The following PRKCI variants were observed in gnomAD, a reference collection of about 807,000 sequenced individuals.
PRKCI encodes protein kinase C iota.
In PRKCI, 43 loss-of-function variants were observed where a neutral mutation model predicts 84.0. The ratio of observed to expected loss-of-function variants is 0.51; its 90% CI spans 0.40 to 0.66. The LOEUF is 0.66. PRKCI is among the 30% of genes least tolerant of loss of function. PRKCI has a pLI of 0.00. For synonymous variants in PRKCI, 216 were observed against 234.4 expected (o/e 0.92, Z 0.72); for missense variants, 459 against 745.6 (o/e 0.62, Z 4.48).
At chr3:170,282,732 T>G (rs187832982) in intron 11 of PRKCI, among the ~76,000 whole-genome samples, 1 of 151,092 alleles carries the variant, frequency 6.6e-6, no homozygotes, top group East Asian at 2.0e-4. Context: ...TAAACTAGTA[T>G]ATACTTCTGA....
intron 2 of PRKCI, among the ~76,000 whole-genome samples, chr3:170,239,675 A>G (rs886530189): frequency 6.6e-5 from 10 of 151,568 alleles, no homozygotes; most frequent in African/African-American, 2.4e-4. Context: ...ATGTCCTCCA[A>G]GAAGCCTTCC....
intron 2 of PRKCI, among the ~76,000 whole-genome samples, chr3:170,257,030 A>G (rs1733599669): frequency 6.6e-6 from 1 of 152,194 alleles, no homozygotes; most frequent in South Asian, 2.1e-4. Flanking sequence ...GTGGTCAGAG[A>G]AGATACTTGT....
intron 8 of PRKCI, among the ~76,000 whole-genome samples, chr3:170,279,092 A>G (rs753026004): frequency 4.6e-5 from 7 of 152,154 alleles, no homozygotes; most frequent in Admixed American, 6.5e-5. Context: ...CACTGGCACA[A>G]TCACAGCTCA....
chr3:170,252,252 G>A (rs1372001763), intron 2 of PRKCI, among the ~76,000 whole-genome samples: 2 of 151,558 alleles, frequency 1.3e-5, no homozygotes, highest in Non-Finnish European at 2.9e-5. Context: ...TACCCTGTTG[G>A]TTGAATGAAT....
intron 15 of PRKCI, among the ~76,000 whole-genome samples, chr3:170,296,401 A>C (rs1454420690): frequency 6.6e-6 from 1 of 152,168 alleles, no homozygotes. Context: ...GCTCCCTACA[A>C]ATTCTCATGT....
chr3:170,267,842 C>A, intron 4 of PRKCI, 73 bp from the exon 5 acceptor site: 2 of 1,123,428 alleles, frequency 1.8e-6, no homozygotes, highest in Non-Finnish European at 2.5e-6. Flanking sequence ...GAAAAAATTA[C>A]AGACTTAATT....
intron 3 of PRKCI, among the ~76,000 whole-genome samples, chr3:170,263,120 G>C (rs1733774409): frequency 2.0e-5 from 3 of 150,096 alleles, no homozygotes; most frequent in Admixed American, 2.0e-4. Context: ...AGTGAGTCGA[G>C]ATCGCGCCAC....
At chr3:170,236,473 A>G (rs553903352) in intron 2 of PRKCI, among the ~76,000 whole-genome samples, 9 of 152,078 alleles carry the variant, frequency 5.9e-5, no homozygotes, top group African/African-American at 2.2e-4. Context: ...TTTTAAGCTG[A>G]ATATTACCTT....
In PRKCI at chr3:170,270,576, C is replaced by CTTTTTTTT. The variant is rs75266191; in HGVS notation, c.591+28_591+35dup. The CTTTTTTTT allele has an allele frequency of 1.6e-5, 22 of 1,365,426 alleles. No homozygotes were observed. In the African/African-American group the frequency reaches 2.2e-4, roughly 14 times the overall value. 84.6% of individuals were successfully genotyped at this position (1,365,426 alleles called of 1,614,324 possible). A position where few individuals can be genotyped will look rare whatever the true frequency, so the allele number is the denominator to read the frequency against. ...CTTTGCCACAGGTAAGATGTCTGTC[C>CTTTTTTTT]TTTTTTTTTTTTTTTTTTTTAAGAG... On this transcript the variant is annotated intron_variant, in intron 6 of 17. Transcript: ENST00000295797.
At chr3:170,281,553 T>C in intron 10 of PRKCI, 2 of 399,284 alleles carry the variant, frequency 5.0e-6, no homozygotes, top group Non-Finnish European at 8.8e-6. Context: ...TGACTTAAAA[T>C]TTTCTAGCAT....
intron 12 of PRKCI, among the ~76,000 whole-genome samples, chr3:170,287,557 A>G (rs1292968495): frequency 1.3e-5 from 2 of 151,930 alleles, no homozygotes; most frequent in Admixed American, 6.6e-5. Flanking sequence ...ATGCATTTTA[A>G]TAACATTTTA....
At chr3:170,235,173 T>G (rs1300984936) in intron 1 of PRKCI, 57 bp from the exon 2 acceptor site, 2 of 1,545,660 alleles carry the variant, frequency 1.3e-6, no homozygotes, top group African/African-American at 2.7e-5. Flanking sequence ...TTCAGTAATA[T>G]ATACAGCATT....
At chr3:170,289,607 C>G (rs1484544765) in intron 12 of PRKCI, among the ~76,000 whole-genome samples, 1 of 152,004 alleles carries the variant, frequency 6.6e-6, no homozygotes, top group African/African-American at 2.4e-5. Flanking sequence ...AACCCCATCT[C>G]TACTAAAAAT....
intron 6 of PRKCI, among the ~76,000 whole-genome samples, chr3:170,271,870 G>C (rs1279924020): frequency 6.6e-6 from 1 of 152,150 alleles, no homozygotes; most frequent in East Asian, 1.9e-4. Flanking sequence ...GCCTCGCTCT[G>C]TCTTCCAGGC....
In PRKCI at chr3:170,291,955, T is replaced by A. The variant is rs749895588; in HGVS notation, c.1291+14T>A. ...GAGAAGATTATGGTAATAAATAAAT[T>A]GGTGGTATTATTTTAGCTATTGCTA... On this transcript the variant is annotated intron_variant, in intron 13 of 17. Coordinates refer to ENST00000295797, the MANE Select transcript of PRKCI (RefSeq NM_002740.6). 1 of 1,547,626 alleles carries A rather than the reference T, an allele frequency of 6.5e-7. No individual in the cohort carries two copies. The highest frequency in any genetic ancestry group is 8.9e-7 in the Non-Finnish European group (1 of 1,119,886).
intron 9 of PRKCI, among the ~76,000 whole-genome samples, chr3:170,280,889 G>GATT (rs146645962): frequency 0.064 from 9,769 of 152,020 alleles, 665 homozygotes; most frequent in African/African-American, 0.17. Context: ...AAAGTAATTT[G>GATT]ATTATTAGAT....
At chr3:170,279,710 A>G (rs544174459) in intron 8 of PRKCI, among the ~76,000 whole-genome samples, 3 of 152,300 alleles carry the variant, frequency 2.0e-5, no homozygotes, top group African/African-American at 7.2e-5. Context: ...ACGCCTCTGA[A>G]TGTGTGCTCT....
chr3:170,263,538 A>T (rs936472962), intron 4 of PRKCI, 109 bp downstream of exon 4: 11 of 889,284 alleles, frequency 1.2e-5, no homozygotes, highest in Admixed American at 2.2e-5. Context: ...ACAGTGGCTA[A>T]TGCCTGTAAT....
At chr3:170,281,324 T>G in intron 10 of PRKCI, 61 bp downstream of exon 10, 1 of 1,350,194 alleles carries the variant, frequency 7.4e-7, no homozygotes, top group Non-Finnish European at 1.1e-6. Context: ...TATTACACAG[T>G]TAGAACCTTT....
Sources: gnomAD v4.1 joint callset for allele counts (sites outside exome capture counted in the v4.1 genomes callset) on GRCh38, gnomAD v4.1.1 for gene constraint, MANE v1.5 for transcripts, NCBI Gene and HGNC (gene_info 2026-07-23, HGNC 2026-07-21) for gene names.